Variants in VPS13D observed in about 807,000 individuals in gnomAD.
VPS13D encodes the protein vacuolar protein sorting 13 homolog D.
In VPS13D, 187 loss-of-function variants were observed where a neutral mutation model predicts 461.9. That is an observed-to-expected ratio of 0.40 (90% CI 0.36 to 0.46). The LOEUF (loss-of-function observed/expected upper bound fraction) is 0.46. VPS13D is among the 20% of genes least tolerant of loss of function. VPS13D has a pLI of 0.60. For missense variants in VPS13D, 4,711 were observed against 5,364.9 expected, an observed-to-expected ratio of 0.88 and a Z score of 3.81; for synonymous variants, 1,951 against 1,986.3, an observed-to-expected ratio of 0.98 and a Z score of 0.47.
intron 65 of VPS13D, among the ~76,000 whole-genome samples, chr1:12,443,592 T>G (rs1349780514): frequency 6.6e-6 from 1 of 152,210 alleles, no homozygotes; most frequent in African/African-American, 2.4e-5. Context: ...TTGACCTCCA[T>G]TTGCCTTTTC....
At chr1:12,447,990 C>T (rs947406301) in intron 65 of VPS13D, among the ~76,000 whole-genome samples, 2 of 152,256 alleles carry the variant, frequency 1.3e-5, no homozygotes, top group East Asian at 1.9e-4. Flanking sequence ...AGGAGGGAAC[C>T]GGAGAGCACT....
In VPS13D at chr1:12,283,742, C is replaced by T; in HGVS notation, c.5634+6C>T. The stretch of plus-strand genomic sequence containing the variant: ...ACACCAAACTGGATCTCAAGGTATC[C>T]TCAGTTCCCTTTGGCTCCCTTAAGC... On this transcript the variant is annotated splice_donor_region_variant and intron_variant, in intron 21 of 69. Coordinates refer to ENST00000620676, the MANE Select transcript of VPS13D (RefSeq NM_015378.4). The T allele has an allele frequency of 6.2e-7, 1 of 1,605,080 alleles. No individual in the cohort carries two copies. The highest frequency in any genetic ancestry group is 1.1e-5 in the South Asian group (1 of 90,666).
chr1:12,460,535 A>C, intron 67 of VPS13D, 139 bp downstream of exon 67: 1 of 794,848 alleles, frequency 1.3e-6, no homozygotes. Context: ...GAAATTTCTG[A>C]TCTGCCTAAT....
At chr1:12,357,464 A>G (rs1422401283) in intron 49 of VPS13D, among the ~76,000 whole-genome samples, 1 of 152,244 alleles carries the variant, frequency 6.6e-6, no homozygotes, top group African/African-American at 2.4e-5. Flanking sequence ...AGTGTGTTTT[A>G]TCTGTGAATT....
In VPS13D at chr1:12,276,115, G is replaced by A. The variant is rs529005238; in HGVS notation, c.2527G>A (p.Val843Met). 2.5e-6 allele frequency: 4 copies of A among 1,614,106 alleles called. No homozygotes were observed. The highest frequency in any genetic ancestry group is 1.7e-5 in the Admixed American group (1 of 60,014). ...TTGGAAGCATGTCCAGGATATTGAC[G>A]TGGGACCAACACATGTGGTAGAGAA... ...DNWKHVQDID[V>M]GPTHVVEKFN... is the part of the protein sequence containing the mutation. Residue 843 changes from valine (V) to methionine (M), a missense_variant, in exon 19 of 70, where the codon GTG (valine) becomes ATG (methionine). Val to Met is a conservative substitution (Grantham distance 21). Transcript: ENST00000620676. This position sits in a 1 kb window ranked among gnomAD's most constrained non-coding sequence, Gnocchi z 4.5.
rs760394283 is a variant in VPS13D at position 12,273,000 on chromosome 1, C to T, written c.2104-3C>T. The T allele has an allele frequency of 6.2e-7, 1 of 1,613,268 alleles. No homozygotes were observed. The highest frequency in any genetic ancestry group is 1.7e-5 in the Admixed American group (1 of 59,828). On this transcript the variant is annotated splice_polypyrimidine_tract_variant and splice_region_variant and intron_variant, in intron 17 of 69. Transcript: ENST00000620676. ...ATGGTTAATGACTGTTTTATTTGTA[C>T]AGGAGGAGAGTAAACGATGGACCGT...
intron 65 of VPS13D, among the ~76,000 whole-genome samples, chr1:12,434,544 A>G (rs1437817052): frequency 2.6e-5 from 4 of 152,248 alleles, no homozygotes; most frequent in African/African-American, 9.6e-5. Flanking sequence ...AGCTCATTTG[A>G]AAGTGTTTGA....
At chr1:12,459,772 C>G (rs769185965) in intron 66 of VPS13D, among the ~76,000 whole-genome samples, 3 of 152,062 alleles carry the variant, frequency 2.0e-5, no homozygotes, top group Admixed American at 6.6e-5. Context: ...CCACTGCGCC[C>G]AGCCTCTGCC....
intron 57 of VPS13D, among the ~76,000 whole-genome samples, chr1:12,379,983 A>T (rs550861268): frequency 1.3e-5 from 2 of 152,020 alleles, no homozygotes; most frequent in East Asian, 1.9e-4. Flanking sequence ...GTTAGCCAGG[A>T]TGGTCTCGAT....
intron 8 of VPS13D, 107 bp from the exon 9 acceptor site, chr1:12,256,880 A>T: frequency 8.2e-7 from 1 of 1,222,710 alleles, no homozygotes; most frequent in Non-Finnish European, 1.2e-6. Flanking sequence ...CTGGGTTTCA[A>T]TTCAGTGGAT....
chr1:12,315,844 TCTCA>T (rs1324029647), intron 30 of VPS13D, among the ~76,000 whole-genome samples: 1 of 152,130 alleles, frequency 6.6e-6, no homozygotes, highest in East Asian at 1.9e-4. Context: ...TGAGACGTAG[TCTCA>T]CTCTGTCGCC....
chr1:12,329,824 T>G lies in VPS13D; in HGVS notation c.8198-5T>G. 1 of 1,613,936 alleles carries G rather than the reference T, an allele frequency of 6.2e-7. No individual in the cohort carries two copies. The highest frequency in any genetic ancestry group is 8.5e-7 in the Non-Finnish European group (1 of 1,179,888). ...CCGCTGCAGTAAGGTTTGCTTTCAT[T>G]GCAGGTCTGAATTTTCTTCAGCGTG... On this transcript the variant is annotated splice_polypyrimidine_tract_variant and splice_region_variant and intron_variant, in intron 36 of 69. Coordinates refer to ENST00000620676, the MANE Select transcript of VPS13D (RefSeq NM_015378.4).
Position 12,260,763 on chromosome 1 carries a change from A to G in VPS13D, c.1181A>G (p.Asp394Gly), listed in dbSNP as rs1328829826. The change falls in exon 11 of 70, where the codon GAT becomes GGT. Residue 394 changes from aspartate (D) to glycine (G), a missense_variant. Transcript: ENST00000620676. ...AAGATTTTGCGTGAACTGGTTCATG[A>G]TCGATTTCACAAACAGGAAGAACTA... Reference protein sequence around the residue: ...ELKILRELVHDRFHKQEELAE... With the variant: ...ELKILRELVHGRFHKQEELAE... 6.2e-7 allele frequency: 1 copy of G among 1,614,080 alleles called. No individual in the cohort carries two copies. The highest frequency in any genetic ancestry group is 1.3e-5 in the African/African-American group (1 of 74,930).
chr1:12,453,002 T>C (rs903104549), intron 65 of VPS13D, among the ~76,000 whole-genome samples: 1 of 152,142 alleles, frequency 6.6e-6, no homozygotes, highest in Non-Finnish European at 1.5e-5. Context: ...ATGGCAAAGG[T>C]CTTCATCTTA....
intron 60 of VPS13D, among the ~76,000 whole-genome samples, chr1:12,393,606 C>G (rs1644457046): frequency 6.6e-6 from 1 of 152,234 alleles, no homozygotes; most frequent in African/African-American, 2.4e-5. Context: ...AAGAGTTGAA[C>G]AAGGATGTGG....
chr1:12,466,094 C>T (rs1018978174), intron 67 of VPS13D, among the ~76,000 whole-genome samples: 3 of 151,416 alleles, frequency 2.0e-5, no homozygotes, highest in African/African-American at 7.3e-5. Flanking sequence ...GAGATTGCGC[C>T]ACTGCACTCC....
chr1:12,406,326 A>G (rs937142116), intron 63 of VPS13D, among the ~76,000 whole-genome samples: 4 of 152,212 alleles, frequency 2.6e-5, no homozygotes, highest in Admixed American at 1.3e-4. Context: ...TTAGAAGGGT[A>G]CTATGCTCTT....
At chr1:12,350,474 A>G (rs995538742) in intron 46 of VPS13D, among the ~76,000 whole-genome samples, 1 of 152,200 alleles carries the variant, frequency 6.6e-6, no homozygotes, top group Non-Finnish European at 1.5e-5. Flanking sequence ...ATTTTGAATC[A>G]AAAGGTAATA....
At chr1:12,406,485 G>A (rs1284842459) in intron 63 of VPS13D, among the ~76,000 whole-genome samples, 1 of 152,188 alleles carries the variant, frequency 6.6e-6, no homozygotes, top group Non-Finnish European at 1.5e-5. Context: ...CAGGCCAGAA[G>A]TGAGACTGTC....
Sources: allele counts gnomAD v4.1 joint callset (sites outside exome capture counted in the v4.1 genomes callset), GRCh38; gene constraint gnomAD v4.1.1; non-coding constraint Gnocchi (gnomAD v3.1); transcripts MANE v1.5; gene names NCBI Gene and HGNC (gene_info 2026-07-23, HGNC 2026-07-21).